Variants in PLD3 observed in about 807,000 individuals in gnomAD.
PLD3 encodes 5'-3' exonuclease PLD3.
PLD3 carries 31 observed loss-of-function variants against 58.4 expected under a neutral mutation model. The ratio of observed to expected loss-of-function variants is 0.53; its 90% CI spans 0.40 to 0.72. PLD3 has a LOEUF of 0.72. PLD3 is among the 30% of genes least tolerant of loss of function. The pLI, the probability that PLD3 is intolerant of heterozygous loss-of-function variation, is 0.00. For missense variants in PLD3, 595 were observed against 659.8 expected, an observed-to-expected ratio of 0.90 and a Z score of 1.08; for synonymous variants, 264 against 273.4, an observed-to-expected ratio of 0.97 and a Z score of 0.34.
intron 8 of PLD3, among the ~76,000 whole-genome samples, chr19:40,371,110 GATGGA>G (rs1035475564): frequency 1.6e-4 from 25 of 152,236 alleles, no homozygotes; most frequent in Non-Finnish European, 3.2e-4. Flanking sequence ...ATTAGCGCAA[GATGGA>G]ACAGGAAACA....
intron 10 of PLD3, 102 bp downstream of exon 10, chr19:40,374,722 C>A: frequency 7.7e-7 from 1 of 1,306,288 alleles, no homozygotes; most frequent in Non-Finnish European, 1.1e-6. Flanking sequence ...GGCAAGGGGA[C>A]AGATGGAAGA....
chr19:40,351,951 T>C (rs1223175890), intron 1 of PLD3, among the ~76,000 whole-genome samples: 1 of 152,188 alleles, frequency 6.6e-6, no homozygotes, highest in Non-Finnish European at 1.5e-5. Context: ...ATATCCTTTA[T>C]GTTGGGAGAA....
chr19:40,363,337 G>C (rs1366003504), intron 1 of PLD3, among the ~76,000 whole-genome samples: 1 of 144,438 alleles, frequency 6.9e-6, no homozygotes, highest in Admixed American at 7.0e-5. Context: ...CCGCCTCTAA[G>C]ACTGATGTTA....
chr19:40,369,528 A>T (rs988126947), intron 6 of PLD3, among the ~76,000 whole-genome samples: 2 of 152,132 alleles, frequency 1.3e-5, no homozygotes, highest in Admixed American at 6.5e-5. Flanking sequence ...GGCATCCTTG[A>T]CTGTTGCTGT....
Position 40,374,476 on chromosome 19 carries a change from C to CA in PLD3, c.880-5_880-4insA. On this transcript the variant is annotated splice_region_variant and splice_polypyrimidine_tract_variant and intron_variant, in intron 9 of 12. Transcript: ENST00000409735. Reference sequence around the variant, plus strand: ...CACATGTCTTAACTGTCCCCTCGCCCTCAGAGTGCGCCCCCACCCCTGTGT... The same window carrying CA: ...CACATGTCTTAACTGTCCCCTCGCCCATCAGAGTGCGCCCCCACCCCTGTGT... The CA allele has an allele frequency of 6.2e-7, 1 of 1,614,034 alleles. No homozygotes were observed.
Position 40,376,569 on chromosome 19 carries a change from C to G in PLD3, c.1020-40C>G, listed in dbSNP as rs771443840. On this transcript the variant is annotated intron_variant, in intron 10 of 12. Transcript: ENST00000409735. Reference sequence around the variant, plus strand: ...GGGCAAAGCCTGTGGACACAGCCGCCCTCTGCATCCTGCCCCACCTCCTAT... The same window carrying G: ...GGGCAAAGCCTGTGGACACAGCCGCGCTCTGCATCCTGCCCCACCTCCTAT... The G allele has an allele frequency of 1.9e-6, 3 of 1,588,008 alleles. No individual in the cohort carries two copies. In the African/African-American group the frequency reaches 4.0e-5, roughly 21 times the overall value.
chr19:40,355,303 CT>C (rs896335522), intron 1 of PLD3, among the ~76,000 whole-genome samples: 8 of 146,310 alleles, frequency 5.5e-5, no homozygotes, highest in Admixed American at 6.9e-5. Flanking sequence ...ATTTTTTTTC[CT>C]TTTTTTTTTG....
At chr19:40,353,552 C>T (rs920627050) in intron 1 of PLD3, among the ~76,000 whole-genome samples, 1 of 152,052 alleles carries the variant, frequency 6.6e-6, no homozygotes, top group African/African-American at 2.4e-5. Context: ...CTAAACTTAC[C>T]ATGTTATTAT....
chr19:40,363,730 C>T (rs1249532099), intron 1 of PLD3, among the ~76,000 whole-genome samples: 1 of 152,128 alleles, frequency 6.6e-6, no homozygotes, highest in African/African-American at 2.4e-5. Flanking sequence ...CACACCCGAC[C>T]TGCTAGATCC....
intron 1 of PLD3, among the ~76,000 whole-genome samples, chr19:40,351,959 G>A (rs1348564126): frequency 6.6e-6 from 1 of 152,144 alleles, no homozygotes; most frequent in Middle Eastern, 3.2e-3. Flanking sequence ...TATGTTGGGA[G>A]AAAGTTTCAA....
At chr19:40,369,654 C>T (rs576420136) in intron 6 of PLD3, among the ~76,000 whole-genome samples, 1 of 152,298 alleles carries the variant, frequency 6.6e-6, no homozygotes, top group Non-Finnish European at 1.5e-5. Context: ...TTGAGAAAGT[C>T]CCTGGAGGGG....
rs1400279295 is a variant in PLD3, at chr19:40,369,911, G to A, written c.433G>A (p.Glu145Lys). ...AGAAGCTCTCCCCTCCCCGCAGGGT[G>A]AGGAGGTCCTCCGGCAGCTGCAGAC... ...HTQEPSAQQG[E>K]EVLRQLQTLA... Residue 145 changes from glutamate to lysine, a missense_variant, in exon 7 of 13, where the codon GAG (glutamate) becomes AAG (lysine). Physicochemically the swap from Glu to Lys is moderately conservative, Grantham distance 56 (BLOSUM62 1). Coordinates refer to ENST00000409735, the MANE Select transcript of PLD3 (RefSeq NM_012268.4). 2 of 1,557,104 alleles carry A rather than the reference G, an allele frequency of 1.3e-6. No individual in the cohort carries two copies. The highest frequency in any genetic ancestry group is 2.7e-5 in the African/African-American group (2 of 73,492).
chr19:40,351,777 G>A (rs2078521605), intron 1 of PLD3, among the ~76,000 whole-genome samples: 1 of 152,196 alleles, frequency 6.6e-6, no homozygotes, highest in African/African-American at 2.4e-5. Context: ...CTCCCAGTGA[G>A]GTGGGTGCCA....
chr19:40,372,782 G>C (rs962895539), intron 9 of PLD3, among the ~76,000 whole-genome samples: 3 of 151,936 alleles, frequency 2.0e-5, no homozygotes, highest in Admixed American at 2.0e-4. Flanking sequence ...GGCTAAGACA[G>C]GGGGATCACT....
chr19:40,373,589 A>G (rs12151039), intron 9 of PLD3, among the ~76,000 whole-genome samples: 1,583 of 118,044 alleles, frequency 0.013, 10 homozygotes, highest in African/African-American at 0.038. Context: ...AAAAAAAAAA[A>G]GGGGGGGAAG....
At chr19:40,349,926 C>G (rs1430682853) in intron 1 of PLD3, among the ~76,000 whole-genome samples, 125 of 130,224 alleles carry the variant, frequency 9.6e-4, no homozygotes, top group Middle Eastern at 0.013. Context: ...CCATTGCACT[C>G]CAGCCTGGGC....
intron 10 of PLD3, among the ~76,000 whole-genome samples, chr19:40,375,659 AAAAAG>A (rs1223740668): frequency 2.6e-5 from 4 of 151,280 alleles, no homozygotes; most frequent in East Asian, 1.9e-4. Context: ...CAAAAAAAAA[AAAAAG>A]AAAAGAAAAA....
rs2079276609 is a variant in PLD3 at position 40,377,850 on chromosome 19, A to G, written c.1250A>G (p.Asn417Ser). The change falls in exon 12 of 13, where the codon AAC becomes AGC. Residue 417 changes from asparagine (N) to serine (S), a missense_variant. Transcript: ENST00000409735. Reference protein sequence around the residue: ...ARIPYARVNHNKYMVTERATY... With the variant: ...ARIPYARVNHSKYMVTERATY... ...ATCCCATATGCCCGTGTCAACCACA[A>G]CAAGTACATGGTGACTGAACGCGCC... 6.2e-7 allele frequency: 1 copy of G among 1,613,954 alleles called. No individual in the cohort carries two copies. Among genetic ancestry groups the G allele is most frequent in the Non-Finnish European group, 8.5e-7 (1 of 1,179,914 alleles).
chr19:40,350,636 C>CGAGTT (rs2078488845), intron 1 of PLD3, among the ~76,000 whole-genome samples: 2 of 151,206 alleles, frequency 1.3e-5, no homozygotes, highest in Non-Finnish European at 2.9e-5. Context: ...CTGAGCAACT[C>CGAGTT]GGGAGGCTGA....
Sources: allele counts gnomAD v4.1 joint callset (sites outside exome capture counted in the v4.1 genomes callset), GRCh38; gene constraint gnomAD v4.1.1; transcripts MANE v1.5; gene names NCBI Gene and HGNC (gene_info 2026-07-23, HGNC 2026-07-21).